Variants in EHMT1 observed in about 807,000 individuals in gnomAD.
EHMT1 encodes the protein euchromatic histone lysine methyltransferase 1, also known as histone-lysine N-methyltransferase EHMT1.
A neutral mutation model predicts 147.2 loss-of-function variants in EHMT1; 15 were observed. The observed-to-expected ratio is 0.10, with a 90% confidence interval of 0.07 to 0.16. The LOEUF is 0.16. EHMT1 is among the 10% of genes least tolerant of loss of function. The pLI is 1.00. For synonymous variants in EHMT1, 795 were observed against 709.6 expected, an observed-to-expected ratio of 1.12 and a Z score of -1.91; for missense variants, 1,587 against 1,772.4, an observed-to-expected ratio of 0.90 and a Z score of 1.88.
intron 1 of EHMT1, among the ~76,000 whole-genome samples, chr9:137,671,838 T>A (rs1940694707): frequency 6.6e-6 from 1 of 152,302 alleles, no homozygotes; most frequent in South Asian, 2.1e-4. Context: ...CTGAATCCTA[T>A]ACTTGGAATC....
chr9:137,662,752 G>A (rs1489651626), intron 1 of EHMT1, among the ~76,000 whole-genome samples: 4 of 151,470 alleles, frequency 2.6e-5, no homozygotes, highest in African/African-American at 9.7e-5. Flanking sequence ...GATTACAGGC[G>A]TGAGCCACCG....
intron 15 of EHMT1, chr9:137,785,932 G>A (rs750805034): frequency 6.6e-6 from 1 of 152,270 alleles, no homozygotes; most frequent in Non-Finnish European, 1.5e-5. Flanking sequence ...TGCTAACTGA[G>A]TTGTCCAGCG....
At chr9:137,803,891 T>C (rs1953710814) in intron 18 of EHMT1, among the ~76,000 whole-genome samples, 1 of 151,806 alleles carries the variant, frequency 6.6e-6, no homozygotes, top group Non-Finnish European at 1.5e-5. Context: ...GTACCATCTC[T>C]AGTGTATGAG....
At chr9:137,638,742 T>C (rs1337173454) in intron 1 of EHMT1, among the ~76,000 whole-genome samples, 1 of 147,858 alleles carries the variant, frequency 6.8e-6, no homozygotes, top group Non-Finnish European at 1.5e-5. Flanking sequence ...CGTGTCCTCA[T>C]AAAAAAAAAA....
At chr9:137,710,864 T>C in intron 1 of EHMT1, 103 bp from the exon 2 acceptor site, 2 of 1,306,212 alleles carry the variant, frequency 1.5e-6, no homozygotes, top group Non-Finnish European at 2.1e-6. Flanking sequence ...CAGCTCATGG[T>C]GAATGTTGTA....
At chr9:137,661,752 A>AG (rs1332197980) in intron 1 of EHMT1, among the ~76,000 whole-genome samples, 2 of 151,768 alleles carry the variant, frequency 1.3e-5, no homozygotes, top group Non-Finnish European at 2.9e-5. Flanking sequence ...TCCCAATTAA[A>AG]GGCGTGAGCC....
chr9:137,655,623 C>G (rs2134003832), intron 1 of EHMT1, among the ~76,000 whole-genome samples: 1 of 152,306 alleles, frequency 6.6e-6, no homozygotes, highest in East Asian at 1.9e-4. Flanking sequence ...CCATTAGGAA[C>G]TGGGCCACCC....
chr9:137,720,011 G>T (rs555250569), intron 3 of EHMT1, among the ~76,000 whole-genome samples: 1 of 45,794 alleles, frequency 2.2e-5, no homozygotes, highest in East Asian at 3.5e-4. Context: ...TCCACACCAG[G>T]ACACAGTCGA....
At chr9:137,780,983 G>A (rs1176165195) in intron 14 of EHMT1, among the ~76,000 whole-genome samples, 2 of 141,974 alleles carry the variant, frequency 1.4e-5, no homozygotes, top group African/African-American at 5.3e-5. Context: ...TGGTGATGAC[G>A]CTGGGATGTG....
chr9:137,836,058 A>G lies in EHMT1; in HGVS notation c.*1105A>G, dbSNP rs547498562. The G allele has an allele frequency of 1.3e-5, 2 of 152,642 alleles. No individual in the cohort carries two copies. Among genetic ancestry groups the G allele is most frequent in the Admixed American group, 6.5e-5 (1 of 15,296 alleles). 9.5% of individuals were successfully genotyped at this position (152,642 alleles called of 1,614,324 possible). A position where few individuals can be genotyped will look rare whatever the true frequency, so the allele number is the denominator to read the frequency against. On this transcript the variant is annotated 3_prime_UTR_variant, in exon 27 of 27. Coordinates refer to ENST00000460843, the MANE Select transcript of EHMT1 (RefSeq NM_024757.5). ...AAATGTTTTTGACAGTTTTAAGAGC[A>G]GTCTTTTGGCTCTGACCATTTCTTG... is the stretch of plus-strand genomic sequence containing the variant.
intron 1 of EHMT1, among the ~76,000 whole-genome samples, chr9:137,657,773 G>A (rs141891515): frequency 1.8e-4 from 28 of 151,516 alleles, no homozygotes; most frequent in African/African-American, 6.8e-4. Flanking sequence ...TCTATGTTTT[G>A]TGCCCATGAA....
In EHMT1 at chr9:137,710,985, G is replaced by A. The variant is rs751473920; in HGVS notation, c.40G>A (p.Glu14Lys). ...CTAACAGGCAGTTCCGGCGAGGGGG[G>A]AGCCTCAGCAGGATTGCTGTGTGAA... is the stretch of plus-strand genomic sequence containing the variant. ...ADAEAVPARGEPQQDCCVKTE... is the reference protein window; with the variant it reads ...ADAEAVPARGKPQQDCCVKTE... Residue 14 changes from glutamate to lysine, a missense_variant, in exon 2 of 27, where the codon GAG becomes AAG. Transcript: ENST00000460843. 1.3e-6 allele frequency: 2 copies of A among 1,598,974 alleles called. No homozygotes were observed. Among genetic ancestry groups the A allele is most frequent in the South Asian group, 1.1e-5 (1 of 87,888 alleles).
intron 18 of EHMT1, among the ~76,000 whole-genome samples, chr9:137,806,374 C>T (rs1953948360): frequency 6.6e-6 from 1 of 152,146 alleles, no homozygotes; most frequent in Non-Finnish European, 1.5e-5. Context: ...ATGTTGCTTC[C>T]CTTCCGCTGG....
At chr9:137,797,980 G>A (rs925612099) in intron 16 of EHMT1, among the ~76,000 whole-genome samples, 2 of 152,216 alleles carry the variant, frequency 1.3e-5, no homozygotes, top group African/African-American at 2.4e-5. Context: ...AGCTTCCTGG[G>A]TCTGACCTCC....
intron 1 of EHMT1, among the ~76,000 whole-genome samples, chr9:137,638,852 A>G (rs1844276868): frequency 6.6e-6 from 1 of 152,106 alleles, no homozygotes; most frequent in Non-Finnish European, 1.5e-5. Flanking sequence ...TAAGCCAAGG[A>G]GTGTCAGGGA....
chr9:137,778,713 C>T (rs981666602), intron 13 of EHMT1, among the ~76,000 whole-genome samples: 18 of 152,206 alleles, frequency 1.2e-4, no homozygotes, highest in African/African-American at 4.3e-4. Context: ...GTTCCTGACC[C>T]CACTCTCTCC....
At position 137,704,948 on chromosome 9, in the gene EHMT1, ATCCCC is replaced by A. The variant is rs1021646072; in HGVS notation, c.22-6004_22-6000del. Among the ~76,000 whole-genome samples, 14 of 90,440 alleles carry A rather than the reference ATCCCC, an allele frequency of 1.5e-4. No homozygotes were observed. The East Asian group carries it at 1.7e-3, about 11-fold the overall frequency. The allele number at this position is 90,440 out of a possible 152,430, so 59.3% of individuals were successfully genotyped here. On this transcript the variant is annotated intron_variant, in intron 1 of 26. Transcript: ENST00000460843. Reference sequence around the variant, plus strand: ...CTTTCCTCCCTTCCTTCCCTTCTTTATCCCCTCCCCTCCCCTCCCTCCCTCTCTCT... The same window carrying A: ...CTTTCCTCCCTTCCTTCCCTTCTTTATCCCCTCCCCTCCCTCCCTCTCTCT...
chr9:137,794,260 A>T (rs1952736840), intron 16 of EHMT1, among the ~76,000 whole-genome samples: 1 of 152,210 alleles, frequency 6.6e-6, no homozygotes, highest in African/African-American at 2.4e-5. Flanking sequence ...TTTTTATTAT[A>T]AACAATGTTT....
At chr9:137,809,174 G>A (rs1469780684) in intron 18 of EHMT1, among the ~76,000 whole-genome samples, 1 of 152,210 alleles carries the variant, frequency 6.6e-6, no homozygotes, top group Non-Finnish European at 1.5e-5. Context: ...AGGGAACAGT[G>A]AAGCCCATGC....
Sources: gnomAD v4.1 joint callset for allele counts (sites outside exome capture counted in the v4.1 genomes callset) on GRCh38, gnomAD v4.1.1 for gene constraint, MANE v1.5 for transcripts, NCBI Gene and HGNC (gene_info 2026-07-23, HGNC 2026-07-21) for gene names.